Variants in CHTF18 observed in about 807,000 individuals in gnomAD.
CHTF18 encodes chromosome transmission fidelity factor 18.
Under a neutral mutation model 113.4 loss-of-function variants are expected in CHTF18, and 151 were observed. The ratio of observed to expected loss-of-function variants is 1.33; its 90% CI spans 1.17 to 1.52. The LOEUF (loss-of-function observed/expected upper bound fraction) is 1.52, where lower values mean the gene tolerates loss of function less well. CHTF18 is among the 40% of genes most tolerant of loss of function. CHTF18 has a pLI of 0.00. For missense variants in CHTF18, 1,982 were observed against 1,381.6 expected (o/e 1.43, Z -6.89); for synonymous variants, 916 against 598.8 (o/e 1.53, Z -7.74).
At chr16:795,628 T>C in intron 16 of CHTF18, 57 bp from the exon 17 acceptor site, 1 of 803,832 alleles carries the variant, frequency 1.2e-6, no homozygotes, top group Non-Finnish European at 1.8e-6. Flanking sequence ...CCACCCACCA[T>C]TCCCCCCTCG....
Position 795,233 on chromosome 16 carries a change from G to T in CHTF18, c.2052G>T (p.Gly684=). The T allele has an allele frequency of 6.4e-7, 1 of 1,550,944 alleles. No individual in the cohort carries two copies. The highest frequency in any genetic ancestry group is 8.7e-7 in the Non-Finnish European group (1 of 1,147,644). ...DWLAFDDLLA[G]AAHHSQSFQL... is the part of the protein sequence containing the mutation. ...TGGCCTTCGATGACCTGCTGGCGGG[G>T]GCTGCTCATCACAGCCAGAGCTTCC... The change falls in exon 16 of 22, where the codon GGG becomes GGT. Residue 684 remains glycine (G), a synonymous_variant. Transcript: ENST00000262315.
At position 790,589 on chromosome 16, in the gene CHTF18, G is replaced by A. The variant is rs371218247; in HGVS notation, c.817G>A (p.Gly273Ser). 18 of 1,596,974 alleles carry A rather than the reference G, an allele frequency of 1.1e-5. No homozygotes were observed. Among genetic ancestry groups the A allele is most frequent in the Non-Finnish European group, 1.4e-5 (16 of 1,172,880 alleles). The change falls in exon 7 of 22, where the codon GGT (glycine) becomes AGT (serine). Residue 273 changes from glycine (G) to serine (S), a missense_variant. Gly to Ser is a moderately conservative substitution (Grantham distance 56, BLOSUM62 0). Coordinates refer to ENST00000262315, the MANE Select transcript of CHTF18 (RefSeq NM_022092.3). ...LGAPEEEPTD[G>S]QDASSHCLWV... ...GGCCCCTGAGGAGGAGCCGACTGAC[G>A]GTCAAGACGCCTCCAGTCACTGCCT... is the stretch of plus-strand genomic sequence containing the variant.
At position 795,841 on chromosome 16, in the gene CHTF18, G is replaced by T; in HGVS notation, c.2325+7G>T. On this transcript the variant is annotated splice_region_variant and intron_variant, in intron 17 of 21. Transcript: ENST00000262315. ...TGCACCCAAGCTCCGCCCCGTGAGT[G>T]CCGTCCCCGGGGTGGGGGATTCCCC... The T allele has an allele frequency of 6.2e-7, 1 of 1,608,468 alleles. No homozygotes were observed. Among genetic ancestry groups the T allele is most frequent in the Non-Finnish European group, 8.5e-7 (1 of 1,177,984 alleles).
intron 20 of CHTF18, 124 bp downstream of exon 20, chr16:797,216 C>G: frequency 8.4e-7 from 1 of 1,191,786 alleles, no homozygotes. Context: ...GTGGGTGTGG[C>G]TAGGGCCCCT....
chr16:797,932 C>A lies in CHTF18; in HGVS notation c.2885C>A (p.Ser962Tyr), dbSNP rs1326806258. 1 of 1,612,402 alleles carries A rather than the reference C, an allele frequency of 6.2e-7. No individual in the cohort carries two copies. Among genetic ancestry groups the A allele is most frequent in the African/African-American group, 1.3e-5 (1 of 75,042 alleles). The change falls in exon 22 of 22, where the codon TCC becomes TAC. Residue 962 changes from serine (S) to tyrosine (Y), a missense_variant. Ser to Tyr is a moderately radical substitution (Grantham distance 144). Transcript: ENST00000262315. Reference sequence around the variant, plus strand: ...TGGTTCCGCTTCAACGAGGGTGTCTCCAACGCCGTGCGGCGCAGCCTGTAC... The same window carrying A: ...TGGTTCCGCTTCAACGAGGGTGTCTACAACGCCGTGCGGCGCAGCCTGTAC... ...EVWFRFNEGV[S>Y]NAVRRSLYIR...
chr16:795,770 C>G lies in CHTF18; in HGVS notation c.2261C>G (p.Pro754Arg). 6.2e-7 allele frequency: 1 copy of G among 1,609,660 alleles called. No homozygotes were observed. Among genetic ancestry groups the G allele is most frequent in the Non-Finnish European group, 8.5e-7 (1 of 1,178,912 alleles). ...CCAGCCACGCGCAGCCGGGCCACGC[C>G]CCAGGCCCTGCTCCTCGATGCCCTC... The part of the protein sequence containing the change: ...IAPATRSRAT[P>R]QALLLDALCL... The change falls in exon 17 of 22, where the codon CCC becomes CGC. Residue 754 changes from proline (P) to arginine (R), a missense_variant. By Grantham distance (103) the Pro-to-Arg change is moderately radical. Transcript: ENST00000262315.
In CHTF18 at chr16:796,801, G is replaced by A. The variant is rs2042361002; in HGVS notation, c.2541G>A (p.Glu847=). The A allele has an allele frequency of 2.5e-6, 4 of 1,611,364 alleles. No homozygotes were observed. Among genetic ancestry groups the A allele is most frequent in the South Asian group, 2.2e-5 (2 of 91,044 alleles). The change falls in exon 19 of 22, where the codon GAG becomes GAA. Residue 847 remains glutamate (E), a synonymous_variant. Coordinates refer to ENST00000262315, the MANE Select transcript of CHTF18 (RefSeq NM_022092.3). ...TYQTKQLIAR[E]IEVEKMRRAE... Reference sequence around the variant, plus strand: ...AGACGAAGCAGCTCATCGCCCGCGAGATCGAGGTGGAGAAGATGCGGCGGG... The same window carrying A: ...AGACGAAGCAGCTCATCGCCCGCGAAATCGAGGTGGAGAAGATGCGGCGGG...
At position 796,803 on chromosome 16, in the gene CHTF18, T is replaced by A. The variant is rs1396732239; in HGVS notation, c.2543T>A (p.Ile848Asn). 6.2e-7 allele frequency: 1 copy of A among 1,611,258 alleles called. No homozygotes were observed. The highest frequency in any genetic ancestry group is 1.7e-5 in the Admixed American group (1 of 59,942). The change falls in exon 19 of 22, where the codon ATC becomes AAC. Residue 848 changes from isoleucine to asparagine, a missense_variant. Coordinates refer to ENST00000262315, the MANE Select transcript of CHTF18 (RefSeq NM_022092.3). ...YQTKQLIARE[I>N]EVEKMRRAEA... is the part of the protein sequence containing the mutation. The stretch of plus-strand genomic sequence containing the variant: ...ACGAAGCAGCTCATCGCCCGCGAGA[T>A]CGAGGTGGAGAAGATGCGGCGGGCG...
Position 789,118 on chromosome 16 carries a change from G to A in CHTF18, c.279G>A (p.Leu93=). The A allele has an allele frequency of 6.5e-7, 1 of 1,539,312 alleles. No individual in the cohort carries two copies. The highest frequency in any genetic ancestry group is 8.8e-7 in the Non-Finnish European group (1 of 1,141,526). Residue 93 remains leucine (L), a synonymous_variant, in exon 2 of 22, where the codon CTG becomes CTA. Coordinates refer to ENST00000262315, the MANE Select transcript of CHTF18 (RefSeq NM_022092.3). ...VDADLQPAGS[L]PHAPRIKRPR... is the part of the protein sequence containing the mutation. ...CCGACCTGCAGCCGGCCGGGTCCCT[G>A]CCCCACGGTAGGTTGGCGGCATTGC...
In CHTF18 at chr16:796,018, C is replaced by T; in HGVS notation, c.2397C>T (p.Tyr799=). 3 of 1,607,046 alleles carry T rather than the reference C, an allele frequency of 1.9e-6. No individual in the cohort carries two copies. Among genetic ancestry groups the T allele is most frequent in the Non-Finnish European group, 1.7e-6 (2 of 1,177,518 alleles). The part of the protein sequence containing the change: ...LASLVGTMLA[Y]SLTYRQERTP... ...GCCTGGTGGGCACGATGCTCGCTTACAGCCTGACCTACCGCCAGGAGCGCA... is the reference window on the plus strand; with the variant it reads ...GCCTGGTGGGCACGATGCTCGCTTATAGCCTGACCTACCGCCAGGAGCGCA... The change falls in exon 18 of 22, where the codon TAC becomes TAT. Residue 799 remains tyrosine (Y), a synonymous_variant. Coordinates refer to ENST00000262315, the MANE Select transcript of CHTF18 (RefSeq NM_022092.3).
rs367945137 is a variant in CHTF18 at position 790,647 on chromosome 16, C to T, written c.875C>T (p.Thr292Met). ...GATGAGTTTGCACCCCGCCACTACA[C>T]GGAGCTGCTCAGTGATGACGTGAGG... ...WVDEFAPRHYTELLSDDFTNR... is the reference protein window; with the variant it reads ...WVDEFAPRHYMELLSDDFTNR... Residue 292 changes from threonine (T) to methionine (M), a missense_variant, in exon 7 of 22, where the codon ACG (threonine) becomes ATG (methionine). Transcript: ENST00000262315. 3.1e-5 allele frequency: 49 copies of T among 1,586,362 alleles called. No homozygotes were observed. Among genetic ancestry groups the T allele is most frequent in the East Asian group, 9.0e-5 (4 of 44,684 alleles).
Position 792,211 on chromosome 16 carries a change from C to T in CHTF18, c.1203-13C>T, listed in dbSNP as rs749217707. On this transcript the variant is annotated splice_polypyrimidine_tract_variant and intron_variant, in intron 9 of 21. Coordinates refer to ENST00000262315, the MANE Select transcript of CHTF18 (RefSeq NM_022092.3). ...GCCCACTGCCCTGACGACCCCTGAC[C>T]TCCCCATTGCAGTGACGACCGTAGC... is the stretch of plus-strand genomic sequence containing the variant. 10 of 1,567,908 alleles carry T rather than the reference C, an allele frequency of 6.4e-6. No individual in the cohort carries two copies. Among genetic ancestry groups the T allele is most frequent in the Admixed American group, 1.8e-5 (1 of 54,632 alleles).
At chr16:791,824 C>T (rs2042204442) in intron 8 of CHTF18, 27 bp from the exon 9 acceptor site, 1 of 1,579,352 alleles carries the variant, frequency 6.3e-7, no homozygotes, top group Non-Finnish European at 8.6e-7. Flanking sequence ...GCGGTGCACA[C>T]TACGCCTTCA....
intron 8 of CHTF18, 195 bp downstream of exon 8, chr16:791,565 G>T: frequency 1.4e-6 from 2 of 1,434,436 alleles, no homozygotes; most frequent in Non-Finnish European, 1.8e-6. Flanking sequence ...TCCCTGAAGG[G>T]CTCTGCGGCT....
At chr16:796,482 G>A in intron 18 of CHTF18, 1 of 588,282 alleles carries the variant, frequency 1.7e-6, no homozygotes, top group East Asian at 3.0e-5. Context: ...ACTCTCCGTG[G>A]CAGCCATCGG....
chr16:789,514 A>G, intron 3 of CHTF18, 33 bp from the exon 4 acceptor site: 1 of 1,569,484 alleles, frequency 6.4e-7, no homozygotes, highest in African/African-American at 1.4e-5. Flanking sequence ...CCCACGCTTG[A>G]GTTTCTGCCA....
chr16:797,061 ACAT>A lies in CHTF18; in HGVS notation c.2706_2708del (p.Ile902del), dbSNP rs750278146. ...CGCAACCATGAGCAGCGGCTGGAGC[ACAT>A]CATGAGGCGAGCGGCCCGGGAGGAA... On this transcript the variant is annotated inframe_deletion, in exon 20 of 22. Transcript: ENST00000262315. The A allele has an allele frequency of 1.3e-6, 2 of 1,553,428 alleles. No homozygotes were observed. The highest frequency in any genetic ancestry group is 1.4e-5 in the African/African-American group (1 of 72,892).
At position 789,538 on chromosome 16, in the gene CHTF18, T is replaced by A. The variant is rs767547410; in HGVS notation, c.438-9T>A. ...GAGTTTCTGCCACTGAGCCCCGGTCTCTCTCCAGAGTCTCAGAAGCTGCTG... is the reference window on the plus strand; with the variant it reads ...GAGTTTCTGCCACTGAGCCCCGGTCACTCTCCAGAGTCTCAGAAGCTGCTG... On this transcript the variant is annotated splice_polypyrimidine_tract_variant and intron_variant, in intron 3 of 21. Coordinates refer to ENST00000262315, the MANE Select transcript of CHTF18 (RefSeq NM_022092.3). 6.3e-7 allele frequency: 1 copy of A among 1,588,832 alleles called. No homozygotes were observed. Among genetic ancestry groups the A allele is most frequent in the Admixed American group, 1.7e-5 (1 of 58,030 alleles).
intron 14 of CHTF18, 86 bp from the exon 15 acceptor site, chr16:793,968 T>G (rs1309957276): frequency 1.4e-6 from 2 of 1,467,638 alleles, no homozygotes. Flanking sequence ...GCAGCTCTGA[T>G]GGGGCCTCTG....
Sources: allele counts gnomAD v4.1 joint callset, GRCh38; gene constraint gnomAD v4.1.1; transcripts MANE v1.5; gene names NCBI Gene and HGNC (gene_info 2026-07-23, HGNC 2026-07-21).